Variants in CPQ observed in about 807,000 individuals in gnomAD.
CPQ encodes carboxypeptidase Q.
In CPQ, 37 loss-of-function variants were observed where a neutral mutation model predicts 45.7. The ratio of observed to expected loss-of-function variants is 0.81; its 90% CI spans 0.62 to 1.07. CPQ has a LOEUF of 1.07. Among genes scored for constraint, CPQ ranks in the 50% least tolerant of loss-of-function variants. The pLI is 0.00. For synonymous variants in CPQ, 186 were observed against 205.8 expected, an observed-to-expected ratio of 0.90 and a Z score of 0.82; for missense variants, 537 against 572.9, an observed-to-expected ratio of 0.94 and a Z score of 0.64.
intron 5 of CPQ, among the ~76,000 whole-genome samples, chr8:96,983,373 G>A (rs182329702): frequency 4.2e-4 from 64 of 152,252 alleles, no homozygotes; most frequent in African/African-American, 1.4e-3. Flanking sequence ...GTGCCTTAAA[G>A]TTTCCAAAAT....
chr8:97,080,823 G>C (rs75385126), intron 7 of CPQ, among the ~76,000 whole-genome samples: 1 of 152,056 alleles, frequency 6.6e-6, no homozygotes, highest in Non-Finnish European at 1.5e-5. Flanking sequence ...AAATCTATTA[G>C]TTATGCATCT....
intron 2 of CPQ, among the ~76,000 whole-genome samples, chr8:96,812,588 A>G (rs1296972488): frequency 6.6e-6 from 1 of 152,090 alleles, no homozygotes; most frequent in East Asian, 1.9e-4. Flanking sequence ...CTTAGTTCCA[A>G]ATATAAAACT....
At chr8:96,927,497 G>C (rs992204399) in intron 4 of CPQ, among the ~76,000 whole-genome samples, 3 of 152,150 alleles carry the variant, frequency 2.0e-5, no homozygotes, top group African/African-American at 7.2e-5. Flanking sequence ...AGCCCCAGGG[G>C]CTCCATTCAC....
Position 96,730,866 on chromosome 8 carries a change from CATATATATAT to C in CPQ, c.-34-53981_-34-53972del, listed in dbSNP as rs35247469. On this transcript the variant is annotated intron_variant, in intron 1 of 7. Coordinates refer to ENST00000220763, the MANE Select transcript of CPQ (RefSeq NM_016134.4). ...GATCTAGATCAATTAACCATACATA[CATATATATAT>C]ATATATATATATATATGCATTTTTT... Among the ~76,000 whole-genome samples, 43 of 68,694 alleles carry C rather than the reference CATATATATAT, an allele frequency of 6.3e-4. 1 individual carries two copies. The highest frequency in any genetic ancestry group is 0.01 in the Middle Eastern group (1 of 98). 45.1% of individuals were successfully genotyped at this position (68,694 alleles called of 152,430 possible). A position where few individuals can be genotyped will look rare whatever the true frequency, so the allele number is the denominator to read the frequency against.
At chr8:96,955,509 A>G (rs930169135) in intron 4 of CPQ, among the ~76,000 whole-genome samples, 2 of 152,146 alleles carry the variant, frequency 1.3e-5, no homozygotes, top group African/African-American at 2.4e-5. Context: ...TCTTCACAGA[A>G]TTGGAAAAAA....
At chr8:97,097,453 T>C (rs1421409941) in intron 7 of CPQ, among the ~76,000 whole-genome samples, 1 of 152,194 alleles carries the variant, frequency 6.6e-6, no homozygotes, top group Admixed American at 6.6e-5. Flanking sequence ...TATATACATA[T>C]GCAAGTACGT....
At chr8:97,099,115 CTTTTTTTT>C (rs34830752) in intron 7 of CPQ, among the ~76,000 whole-genome samples, 15 of 66,314 alleles carry the variant, frequency 2.3e-4, no homozygotes, top group African/African-American at 8.0e-4. Flanking sequence ...CCTTCTCTCT[CTTTTTTTT>C]TTTTTTTTTT....
chr8:96,822,250 G>T (rs767850617), intron 2 of CPQ, among the ~76,000 whole-genome samples: 1 of 151,908 alleles, frequency 6.6e-6, no homozygotes, highest in African/African-American at 2.4e-5. Flanking sequence ...TGGTAAGGCC[G>T]AATAGTAATT....
At chr8:96,831,230 A>ATGTGTG (rs112839062) in intron 2 of CPQ, among the ~76,000 whole-genome samples, 12 of 149,720 alleles carry the variant, frequency 8.0e-5, no homozygotes, top group African/African-American at 2.0e-4. Context: ...GGTTATGGGT[A>ATGTGTG]TGTGTGTGTG....
chr8:97,099,193 C>T (rs1003146665), intron 7 of CPQ, among the ~76,000 whole-genome samples: 13 of 134,426 alleles, frequency 9.7e-5, no homozygotes, highest in African/African-American at 3.7e-4. Flanking sequence ...TGCAGTGGCA[C>T]GATCTCAGCT....
chr8:96,706,655 A>C (rs1809534162), intron 1 of CPQ, among the ~76,000 whole-genome samples: 1 of 152,156 alleles, frequency 6.6e-6, no homozygotes, highest in Non-Finnish European at 1.5e-5. Flanking sequence ...GCAGTAGTAA[A>C]ATTTTGAATA....
intron 1 of CPQ, among the ~76,000 whole-genome samples, chr8:96,707,827 ATCTGTG>A (rs1172903806): frequency 1.3e-5 from 2 of 152,050 alleles, no homozygotes; most frequent in Non-Finnish European, 2.9e-5. Context: ...CTAGGGGAGA[ATCTGTG>A]TCCTTGCCCC....
chr8:96,881,462 A>C (rs1471764468), intron 4 of CPQ, among the ~76,000 whole-genome samples: 1 of 152,238 alleles, frequency 6.6e-6, no homozygotes, highest in African/African-American at 2.4e-5. Context: ...CATTCATGAG[A>C]AACAGCCTGT....
chr8:96,959,669 TA>T (rs1813418400), intron 4 of CPQ, among the ~76,000 whole-genome samples: 1 of 152,154 alleles, frequency 6.6e-6, no homozygotes, highest in South Asian at 2.1e-4. Context: ...TCTCTAAGGC[TA>T]AATAATGAGT....
At chr8:97,017,849 G>A (rs936093760) in intron 5 of CPQ, among the ~76,000 whole-genome samples, 2 of 151,016 alleles carry the variant, frequency 1.3e-5, no homozygotes, top group Admixed American at 6.6e-5. Context: ...CAGTTCTAGG[G>A]ACCCACCCAC....
chr8:96,806,894 C>T (rs779616386), intron 2 of CPQ, among the ~76,000 whole-genome samples: 6 of 152,078 alleles, frequency 3.9e-5, no homozygotes, highest in Admixed American at 1.3e-4. Context: ...GTGGATACCA[C>T]GTTTTCCATG....
chr8:96,996,776 C>A (rs1000786268), intron 5 of CPQ, among the ~76,000 whole-genome samples: 2 of 151,896 alleles, frequency 1.3e-5, no homozygotes, highest in African/African-American at 4.8e-5. Context: ...AAAGAATTAT[C>A]ATTAGGTCAT....
intron 1 of CPQ, among the ~76,000 whole-genome samples, chr8:96,782,758 T>G (rs1810705733): frequency 6.6e-6 from 1 of 152,190 alleles, no homozygotes. Flanking sequence ...TATATACATT[T>G]AAAAGAAGCC....
At chr8:97,132,747 T>G (rs1222111252) in intron 7 of CPQ, 4 of 152,208 alleles carry the variant, frequency 2.6e-5, no homozygotes, top group African/African-American at 9.6e-5. Context: ...AGAAACAATT[T>G]TTAATGATGT....
Sources: gnomAD v4.1 joint callset for allele counts (sites outside exome capture counted in the v4.1 genomes callset) on GRCh38, gnomAD v4.1.1 for gene constraint, MANE v1.5 for transcripts, NCBI Gene and HGNC (gene_info 2026-07-23, HGNC 2026-07-21) for gene names.